Variants in PDE6B observed in about 807,000 individuals in gnomAD.
PDE6B encodes the protein phosphodiesterase 6B.
PDE6B carries 106 observed loss-of-function variants against 109.0 expected under a neutral mutation model. That is an observed-to-expected ratio of 0.97 (90% confidence interval 0.83 to 1.14). The LOEUF (loss-of-function observed/expected upper bound fraction) is 1.14, where lower values mean the gene tolerates loss of function less well. Among genes scored for constraint, PDE6B ranks in the 50% most tolerant of loss-of-function variants. PDE6B has a pLI of 0.00. For missense variants in PDE6B, 1,193 were observed against 1,155.6 expected (o/e 1.03, Z -0.47); for synonymous variants, 490 against 471.3 (o/e 1.04, Z -0.51).
intron 3 of PDE6B, among the ~76,000 whole-genome samples, chr4:641,739 C>T (rs994487197): frequency 6.6e-5 from 10 of 152,174 alleles, no homozygotes; most frequent in African/African-American, 1.4e-4. Context: ...CTCCACCTCC[C>T]GGGTTCAAGC....
At chr4:656,100 C>T (rs1014847144) in intron 7 of PDE6B, 94 bp downstream of exon 7, 23 of 1,037,390 alleles carry the variant, frequency 2.2e-5, no homozygotes, top group African/African-American at 1.4e-4. Flanking sequence ...CCCGCCCTCC[C>T]GGCCAGCTCC....
rs371498312 is a variant in PDE6B, at chr4:662,871, C to T, written c.1833-229C>T. Among the ~76,000 whole-genome samples, 289 of 147,770 alleles carry T rather than the reference C, an allele frequency of 2.0e-3. 1 individual carries two copies. The highest frequency in any genetic ancestry group is 6.0e-3 in the African/African-American group (242 of 40,240). On this transcript the variant is annotated intron_variant, in intron 14 of 21. Transcript: ENST00000496514. The surrounding 1 kb of genome is among the most constrained non-coding windows in gnomAD (Gnocchi z 4.3). The stretch of plus-strand genomic sequence containing the variant: ...AAAAAAAAAAAGCTGTGTATGGTGG[C>T]GCACACCTGTGGTCCCAGCTACTTA...
In PDE6B at chr4:648,931, A is replaced by C. The variant is rs1056483052; in HGVS notation, c.712-4921A>C. 6.6e-6 allele frequency among the ~76,000 whole-genome samples: 1 copy of C among 151,806 alleles called. No homozygotes were observed. Among genetic ancestry groups the C allele is most frequent in the Admixed American group, 6.6e-5 (1 of 15,246 alleles). Reference sequence around the variant, plus strand: ...GGAGCCTTCTGTCTCTGCAGGTCTGACTCCTGCCTCCTGTGAGGAAGCAGA... The same window carrying C: ...GGAGCCTTCTGTCTCTGCAGGTCTGCCTCCTGCCTCCTGTGAGGAAGCAGA... On this transcript the variant is annotated intron_variant, in intron 3 of 21. Transcript: ENST00000496514. The surrounding 1 kb of genome is among the most constrained non-coding windows in gnomAD (Gnocchi z 4.5).
intron 3 of PDE6B, among the ~76,000 whole-genome samples, chr4:645,283 T>A (rs1224261552): frequency 2.0e-5 from 3 of 150,466 alleles, no homozygotes; most frequent in Non-Finnish European, 4.4e-5. Flanking sequence ...GTATTTAGGC[T>A]AGTCACATTT....
At chr4:634,095 C>T (rs1734522696) in intron 1 of PDE6B, among the ~76,000 whole-genome samples, 1 of 151,892 alleles carries the variant, frequency 6.6e-6, no homozygotes, top group Non-Finnish European at 1.5e-5. Context: ...GGAGTGTGTG[C>T]CTGGGAGGCC....
chr4:631,149 G>A (rs1349202026), intron 1 of PDE6B, among the ~76,000 whole-genome samples: 1 of 152,210 alleles, frequency 6.6e-6, no homozygotes, highest in African/African-American at 2.4e-5. Context: ...AGAAGAGAAG[G>A]TGACAAATAG....
At position 665,389 on chromosome 4, in the gene PDE6B, C is replaced by T. The variant is rs1375691436; in HGVS notation, c.2268+60C>T. The T allele has an allele frequency of 2.5e-5, 28 of 1,110,256 alleles. No homozygotes were observed. Among genetic ancestry groups the T allele is most frequent in the Non-Finnish European group, 3.3e-5 (24 of 727,956 alleles). 68.8% of individuals were successfully genotyped at this position (1,110,256 alleles called of 1,614,324 possible). A position where few individuals can be genotyped will look rare whatever the true frequency, so the allele number is the denominator to read the frequency against. Reference sequence around the variant, plus strand: ...ACGGGTGTTAGAGACCCCTCTTGGTCCTCAGGAGCCTCAGGTCCTGGCTTG... The same window carrying T: ...ACGGGTGTTAGAGACCCCTCTTGGTTCTCAGGAGCCTCAGGTCCTGGCTTG... On this transcript the variant is annotated intron_variant, in intron 19 of 21. Transcript: ENST00000496514. The surrounding 1 kb of genome is among the most constrained non-coding windows in gnomAD (Gnocchi z 4.0).
Position 636,076 on chromosome 4 carries a change from G to C in PDE6B, c.711+107G>C, listed in dbSNP as rs1734664663. ...TGGCAGGTGGTCTTGTGCTCACCTG[G>C]GTAGGTCCTGGGGTGGGCATTGCTC... On this transcript the variant is annotated intron_variant, in intron 3 of 21. Coordinates refer to ENST00000496514, the MANE Select transcript of PDE6B (RefSeq NM_000283.4). The surrounding 1 kb of genome is among the most constrained non-coding windows in gnomAD (Gnocchi z 4.5). The C allele has an allele frequency of 1.4e-6, 1 of 738,802 alleles. No homozygotes were observed. Among genetic ancestry groups the C allele is most frequent in the African/African-American group, 1.7e-5 (1 of 58,686 alleles). 45.8% of individuals were successfully genotyped at this position (738,802 alleles called of 1,614,324 possible).
rs1425628308 is a variant in PDE6B at position 656,263 on chromosome 4, G to C, written c.1078G>C (p.Ala360Pro). ...TTTTCAGATTTGTAACATCATGAAT[G>C]CTTCCGCTGACGAAATGTTCAAATT... is the stretch of plus-strand genomic sequence containing the variant. Reference protein sequence around the residue: ...ESGFICNIMNASADEMFKFQE... With the variant: ...ESGFICNIMNPSADEMFKFQE... The change falls in exon 8 of 22, where the codon GCT becomes CCT. Residue 360 changes from alanine to proline, a missense_variant. Transcript: ENST00000496514. The C allele has an allele frequency of 1.9e-6, 3 of 1,597,436 alleles. No individual in the cohort carries two copies. The highest frequency in any genetic ancestry group is 2.6e-6 in the Non-Finnish European group (3 of 1,165,004).
chr4:637,917 G>T (rs1239597491), intron 3 of PDE6B, among the ~76,000 whole-genome samples: 2 of 152,228 alleles, frequency 1.3e-5, no homozygotes, highest in African/African-American at 2.4e-5. Context: ...GCACTTAATT[G>T]TCTGATACCA....
rs1231267283 is a variant in PDE6B, at chr4:656,236, CT to C, written c.1060-4del. ...TTTGGATGAAATCGTTTTTCTGATG[CT>C]TTTTCAGATTTGTAACATCATGAAT... On this transcript the variant is annotated splice_region_variant and splice_polypyrimidine_tract_variant and intron_variant, in intron 7 of 21. Coordinates refer to ENST00000496514, the MANE Select transcript of PDE6B (RefSeq NM_000283.4). 7.6e-6 allele frequency: 12 copies of C among 1,586,798 alleles called. No individual in the cohort carries two copies. The highest frequency in any genetic ancestry group is 1.7e-4 in the Middle Eastern group (1 of 6,034).
In PDE6B at chr4:666,512, C is replaced by G; in HGVS notation, c.2269-19C>G. ...GCCTCCCTGGTCACTGTTCTCCCGC[C>G]CTCTGTTCCTCCCACCAGCCTATGA... On this transcript the variant is annotated intron_variant, in intron 19 of 21. Coordinates refer to ENST00000496514, the MANE Select transcript of PDE6B (RefSeq NM_000283.4). This position sits in a 1 kb window ranked among gnomAD's most constrained non-coding sequence, Gnocchi z 5.6. The G allele has an allele frequency of 6.3e-7, 1 of 1,584,720 alleles. No homozygotes were observed. Among genetic ancestry groups the G allele is most frequent in the Non-Finnish European group, 8.7e-7 (1 of 1,153,814 alleles).
At chr4:667,779 T>G in intron 20 of PDE6B, 77 bp from the exon 21 acceptor site, 87 of 1,473,750 alleles carry the variant, frequency 5.9e-5, no homozygotes, top group Non-Finnish European at 7.8e-5. Flanking sequence ...ACGAGGGGGA[T>G]GAGCTGGGGA....
rs374652369 is a variant in PDE6B at position 655,039 on chromosome 4, G to A, written c.992+151G>A. 1.0e-4 allele frequency: 69 copies of A among 671,394 alleles called. 1 individual carries two copies. Among genetic ancestry groups the A allele is most frequent in the South Asian group, 9.4e-4 (58 of 61,940 alleles). 41.6% of individuals were successfully genotyped at this position (671,394 alleles called of 1,614,324 possible). Reference sequence around the variant, plus strand: ...CCCCACCTGTGGTGCTCTGTGTGCCGTGGGGCATAGTGGAGTTGGGGGTGA... The same window carrying A: ...CCCCACCTGTGGTGCTCTGTGTGCCATGGGGCATAGTGGAGTTGGGGGTGA... On this transcript the variant is annotated intron_variant, in intron 6 of 21. Transcript: ENST00000496514.
chr4:669,242 G>A (rs75566204), intron 21 of PDE6B, among the ~76,000 whole-genome samples: 15 of 13,810 alleles, frequency 1.1e-3, no homozygotes, highest in East Asian at 0.029. Context: ...ACCCTATGCT[G>A]CTCCCACTAC....
intron 3 of PDE6B, among the ~76,000 whole-genome samples, chr4:647,476 G>A (rs1171124028): frequency 2.0e-5 from 3 of 151,992 alleles, no homozygotes; most frequent in South Asian, 2.1e-4. Flanking sequence ...ACCACACACC[G>A]AGCACCTGAG....
In PDE6B at chr4:656,939, G is replaced by A. The variant is rs1560123678; in HGVS notation, c.1173G>A (p.Lys391=). Residue 391 remains lysine, a synonymous_variant, in exon 9 of 22, where the codon AAG becomes AAA. Transcript: ENST00000496514. ...TGCTGTCCATGCCCATCGTCAACAA[G>A]AAGGAGGAGATTGTGGGAGTCGCCA... The part of the protein sequence containing the change: ...KNVLSMPIVN[K]KEEIVGVATF... 6.2e-7 allele frequency: 1 copy of A among 1,612,988 alleles called. No individual in the cohort carries two copies. Among genetic ancestry groups the A allele is most frequent in the Admixed American group, 1.7e-5 (1 of 59,998 alleles).
chr4:629,489 A>C (rs1435819761), intron 1 of PDE6B, among the ~76,000 whole-genome samples: 1 of 152,214 alleles, frequency 6.6e-6, no homozygotes, highest in Non-Finnish European at 1.5e-5. Context: ...AGTGCTGTGC[A>C]TGCAGCCTCA....
At chr4:657,063 T>C in intron 9 of PDE6B, 40 bp downstream of exon 9, 1 of 1,597,698 alleles carries the variant, frequency 6.3e-7, no homozygotes, top group Non-Finnish European at 8.6e-7. Flanking sequence ...GGGGATGCCC[T>C]GCGAGGGGTG....
Sources: allele counts gnomAD v4.1 joint callset (sites outside exome capture counted in the v4.1 genomes callset), GRCh38; gene constraint gnomAD v4.1.1; non-coding constraint Gnocchi (gnomAD v3.1); transcripts MANE v1.5; gene names NCBI Gene and HGNC (gene_info 2026-07-23, HGNC 2026-07-21).